IL21R: variants seen among roughly 807,000 people sequenced by gnomAD.
IL21R encodes interleukin-21 receptor.
A neutral mutation model predicts 41.3 loss-of-function variants in IL21R; 14 were observed. That is an observed-to-expected ratio of 0.34 (90% CI 0.22 to 0.53). IL21R has a LOEUF of 0.53. Among genes scored for constraint, IL21R ranks in the 20% least tolerant of loss-of-function variants. The pLI is 0.94. For missense variants in IL21R, 588 were observed against 681.6 expected (o/e 0.86, Z 1.53); for synonymous variants, 286 against 287.6 (o/e 0.99, Z 0.05).
In IL21R at chr16:27,449,376, C is replaced by A; in HGVS notation, c.*93C>A. 7.6e-7 allele frequency: 1 copy of A among 1,319,814 alleles called. No individual in the cohort carries two copies. The highest frequency in any genetic ancestry group is 1.0e-6 in the Non-Finnish European group (1 of 977,942). The allele number at this position is 1,319,814 out of a possible 1,614,324, so 81.8% of individuals were successfully genotyped here. A position where few individuals can be genotyped will look rare whatever the true frequency, so the allele number is the denominator to read the frequency against. ...GCTGTGATGTGAAGACACCTGCAGC[C>A]TTTGGTCTCCTGGATGGGCCTTTGA... On this transcript the variant is annotated 3_prime_UTR_variant, in exon 9 of 9. Transcript: ENST00000337929.
At chr16:27,411,976 T>G (rs965861413) in intron 1 of IL21R, among the ~76,000 whole-genome samples, 1 of 152,232 alleles carries the variant, frequency 6.6e-6, no homozygotes, top group African/African-American at 2.4e-5. Flanking sequence ...TTTTGTTGCC[T>G]GTGCTTTTGT....
intron 1 of IL21R, among the ~76,000 whole-genome samples, chr16:27,413,016 A>C (rs920008080): frequency 2.0e-5 from 3 of 152,142 alleles, no homozygotes; most frequent in African/African-American, 7.2e-5. Context: ...TAGAAATGGC[A>C]AGTGTGGGCA....
At chr16:27,432,017 A>G (rs1394542890) in intron 2 of IL21R, among the ~76,000 whole-genome samples, 1 of 152,234 alleles carries the variant, frequency 6.6e-6, no homozygotes, top group African/African-American at 2.4e-5. Context: ...GCAGAAGGGC[A>G]AAAAGGGTCT....
At chr16:27,429,730 C>T (rs995329316) in intron 1 of IL21R, among the ~76,000 whole-genome samples, 3 of 151,744 alleles carry the variant, frequency 2.0e-5, no homozygotes, top group East Asian at 1.9e-4. Flanking sequence ...GCCGTGATTG[C>T]GCCATTGCAC....
intron 1 of IL21R, 56 bp from the exon 2 acceptor site, chr16:27,430,000 A>T: frequency 7.0e-7 from 1 of 1,435,796 alleles, no homozygotes; most frequent in Non-Finnish European, 9.6e-7. Context: ...GATGAGGGGG[A>T]GGCCGGGGGA....
intron 8 of IL21R, chr16:27,448,286 C>T (rs1025111210): frequency 1.9e-5 from 9 of 476,888 alleles, no homozygotes; most frequent in African/African-American, 1.8e-4. Flanking sequence ...GAAACCACGT[C>T]TCTACTAAAA....
At chr16:27,414,558 T>A (rs1410480716) in intron 1 of IL21R, among the ~76,000 whole-genome samples, 1 of 146,784 alleles carries the variant, frequency 6.8e-6, no homozygotes, top group Non-Finnish European at 1.5e-5. Flanking sequence ...ATTTCAGACA[T>A]CAATGAAAGC....
intron 1 of IL21R, among the ~76,000 whole-genome samples, chr16:27,410,796 C>A (rs60766122): frequency 6.6e-6 from 1 of 152,056 alleles, no homozygotes; most frequent in Non-Finnish European, 1.5e-5. Context: ...GGGTGAAACT[C>A]TATACCCATT....
At chr16:27,410,826 C>T (rs1329350087) in intron 1 of IL21R, among the ~76,000 whole-genome samples, 1 of 152,178 alleles carries the variant, frequency 6.6e-6, no homozygotes, top group Non-Finnish European at 1.5e-5. Flanking sequence ...CTTTTCATTT[C>T]TCCCTCCCCC....
intron 1 of IL21R, among the ~76,000 whole-genome samples, chr16:27,418,088 A>C (rs1422895215): frequency 7.2e-6 from 1 of 139,688 alleles, no homozygotes; most frequent in East Asian, 2.0e-4. Flanking sequence ...TATTTTATTT[A>C]AGACGGAGGT....
intron 8 of IL21R, among the ~76,000 whole-genome samples, chr16:27,446,744 G>A (rs1016778938): frequency 6.6e-6 from 1 of 152,184 alleles, no homozygotes; most frequent in African/African-American, 2.4e-5. Flanking sequence ...CTGGGTTGGA[G>A]AGGGAATAGG....
chr16:27,407,468 T>C (rs954091655), intron 1 of IL21R, among the ~76,000 whole-genome samples: 5 of 152,076 alleles, frequency 3.3e-5, no homozygotes, highest in Non-Finnish European at 7.4e-5. Flanking sequence ...GGAAAAGCAT[T>C]CTAGGCAGAG....
chr16:27,403,044 T>C, intron 1 of IL21R: 1 of 462,768 alleles, frequency 2.2e-6, no homozygotes, highest in South Asian at 1.7e-5. Flanking sequence ...TTCCACCCAG[T>C]CATTCAAAAC....
intron 1 of IL21R, among the ~76,000 whole-genome samples, chr16:27,410,113 AT>A (rs1280243214): frequency 2.6e-5 from 4 of 152,138 alleles, no homozygotes; most frequent in Non-Finnish European, 4.4e-5. Flanking sequence ...AGGTGGGTGG[AT>A]CTTTTGAGGT....
Position 27,449,003 on chromosome 16 carries a change from T to C in IL21R, c.1337T>C (p.Leu446Pro), listed in dbSNP as rs2087538559. The C allele has an allele frequency of 6.2e-7, 1 of 1,612,612 alleles. No individual in the cohort carries two copies. Among genetic ancestry groups the C allele is most frequent in the Non-Finnish European group, 8.5e-7 (1 of 1,179,858 alleles). The part of the protein sequence containing the change: ...PGLGGPLGSL[L>P]DRLKPPLADG... ...CTAGGAGGGCCCCTGGGAAGCCTCC[T>C]GGACAGACTAAAGCCACCCCTTGCA... Residue 446 changes from leucine to proline, a missense_variant, in exon 9 of 9, where the codon CTG becomes CCG. Leu to Pro is a moderately conservative substitution (Grantham distance 98, BLOSUM62 -3). Transcript: ENST00000337929.
At chr16:27,426,510 G>A (rs1167967244) in intron 1 of IL21R, among the ~76,000 whole-genome samples, 1 of 152,240 alleles carries the variant, frequency 6.6e-6, no homozygotes, top group African/African-American at 2.4e-5. Flanking sequence ...GAGGGGAAAG[G>A]TGTTGGAGGG....
intron 8 of IL21R, chr16:27,448,298 T>C: frequency 2.0e-6 from 1 of 503,182 alleles, no homozygotes; most frequent in Non-Finnish European, 3.5e-6. Flanking sequence ...CTACTAAAAA[T>C]ACAAAAATTA....
Position 27,449,431 on chromosome 16 carries a change from T to C in IL21R, c.*148T>C. 1.4e-6 allele frequency: 1 copy of C among 736,162 alleles called. No individual in the cohort carries two copies. Among genetic ancestry groups the C allele is most frequent in the Non-Finnish European group, 2.2e-6 (1 of 461,520 alleles). The allele number at this position is 736,162 out of a possible 1,614,324, so 45.6% of individuals were successfully genotyped here. On this transcript the variant is annotated 3_prime_UTR_variant, in exon 9 of 9. Coordinates refer to ENST00000337929, the MANE Select transcript of IL21R (RefSeq NM_181078.3). ...GATGTTTACAGTGTCTGTGTGTGTG[T>C]GTGCATATGTGTGTGTGTGCATATG...
chr16:27,424,868 G>A (rs181176772), intron 1 of IL21R, among the ~76,000 whole-genome samples: 72 of 152,222 alleles, frequency 4.7e-4, no homozygotes, highest in Middle Eastern at 3.4e-3. Flanking sequence ...GCATCTTCTC[G>A]GCTTCTGGTA....
Sources: allele counts gnomAD v4.1 joint callset (sites outside exome capture counted in the v4.1 genomes callset), GRCh38; gene constraint gnomAD v4.1.1; transcripts MANE v1.5; gene names NCBI Gene and HGNC (gene_info 2026-07-23, HGNC 2026-07-21).